ZNF398: variants seen among roughly 807,000 people sequenced by gnomAD.
ZNF398 encodes the protein zinc finger DNA binding protein ZER6.
Under a neutral mutation model 41.9 loss-of-function variants are expected in ZNF398, and 18 were observed. The ratio of observed to expected loss-of-function variants is 0.43; its 90% CI spans 0.30 to 0.64. The LOEUF (loss-of-function observed/expected upper bound fraction) is 0.64. ZNF398 is among the 30% of genes least tolerant of loss of function. The pLI is 0.14. For missense variants in ZNF398, 669 were observed against 822.8 expected, an observed-to-expected ratio of 0.81 and a Z score of 2.29; for synonymous variants, 260 against 308.8, an observed-to-expected ratio of 0.84 and a Z score of 1.66.
chr7:149,171,284 CACTT>C (rs1317223622), intron 4 of ZNF398, among the ~76,000 whole-genome samples: 2 of 151,898 alleles, frequency 1.3e-5, no homozygotes, highest in African/African-American at 2.4e-5. Flanking sequence ...TTTGTAATAA[CACTT>C]AGTGTAAAAC....
chr7:149,139,493 C>T (rs191328510), intron 2 of ZNF398, among the ~76,000 whole-genome samples: 123 of 143,028 alleles, frequency 8.6e-4, no homozygotes, highest in African/African-American at 2.7e-3. Context: ...GAGGCTGAGG[C>T]GGGCACATCA....
chr7:149,135,923 T>C (rs1371652646), intron 2 of ZNF398, among the ~76,000 whole-genome samples: 1 of 152,060 alleles, frequency 6.6e-6, no homozygotes, highest in Admixed American at 6.6e-5. Context: ...GCCATTGCAC[T>C]CCAGCCTGGG....
intron 1 of ZNF398, among the ~76,000 whole-genome samples, chr7:149,153,261 T>C (rs1794899509): frequency 6.6e-6 from 1 of 152,118 alleles, no homozygotes; most frequent in South Asian, 2.1e-4. Context: ...GAGGATTGCT[T>C]GAGTGAGCCA....
chr7:149,166,321 GCAGC>G, intron 3 of ZNF398, 37 bp downstream of exon 3: 1 of 1,557,820 alleles, frequency 6.4e-7, no homozygotes, highest in African/African-American at 1.4e-5. Context: ...TGAAGTGACA[GCAGC>G]TCCAAGAGGG....
At chr7:149,159,729 A>G (rs13246257) in intron 2 of ZNF398, among the ~76,000 whole-genome samples, 1 of 148,516 alleles carries the variant, frequency 6.7e-6, no homozygotes, top group Non-Finnish European at 1.5e-5. Flanking sequence ...AAAAAAAAAA[A>G]TTTTTTTTTT....
intron 4 of ZNF398, among the ~76,000 whole-genome samples, chr7:149,168,327 C>G (rs953714472): frequency 6.6e-6 from 1 of 152,082 alleles, no homozygotes; most frequent in African/African-American, 2.4e-5. Flanking sequence ...ATCTGCCTGC[C>G]TTGGCCTACC....
intron 2 of ZNF398, among the ~76,000 whole-genome samples, chr7:149,130,448 G>A (rs1050793779): frequency 2.6e-5 from 4 of 152,166 alleles, no homozygotes; most frequent in Non-Finnish European, 1.5e-5. Context: ...TTGCATACAG[G>A]TTTTTGTGTG....
chr7:149,175,861 T>C lies in ZNF398; in HGVS notation c.662-607T>C, dbSNP rs57092420. ...CACCACGCCTGACTAATTTTTTTTATTTTTAGTAGAGACAGGGTTTTGCCA... is the reference window on the plus strand; with the variant it reads ...CACCACGCCTGACTAATTTTTTTTACTTTTAGTAGAGACAGGGTTTTGCCA... On this transcript the variant is annotated intron_variant, in intron 4 of 5. Transcript: ENST00000475153. Among the ~76,000 whole-genome samples the C allele has an allele frequency of 8.0e-3, 1,217 of 152,178 alleles. 9 individuals are homozygous for C. The highest frequency in any genetic ancestry group is 0.013 in the African/African-American group (538 of 41,530).
intron 2 of ZNF398, among the ~76,000 whole-genome samples, chr7:149,132,860 G>A (rs1002105307): frequency 2.6e-5 from 4 of 152,122 alleles, no homozygotes; most frequent in Non-Finnish European, 4.4e-5. Flanking sequence ...GCATTCACCT[G>A]TGCAAGCTTC....
At chr7:149,148,863 C>CTT (rs59895177) in intron 1 of ZNF398, among the ~76,000 whole-genome samples, 3,135 of 63,242 alleles carry the variant, frequency 0.05, 829 homozygotes, top group South Asian at 0.073. Flanking sequence ...TTTTCTTTGT[C>CTT]TTTTTTTTTT....
At chr7:149,162,282 C>T (rs1252382703) in intron 2 of ZNF398, among the ~76,000 whole-genome samples, 4 of 152,128 alleles carry the variant, frequency 2.6e-5, no homozygotes, top group African/African-American at 9.6e-5. Flanking sequence ...CCTGGGTTCA[C>T]GCCATTCTCC....
Position 149,179,527 on chromosome 7 carries a change from A to C in ZNF398, c.1655A>C (p.His552Pro). Reference sequence around the variant, plus strand: ...TGTGGCAAGAGCTTCATCCGCAAGCACCACCTAATGAAACACCAGCGCATC... The same window carrying C: ...TGTGGCAAGAGCTTCATCCGCAAGCCCCACCTAATGAAACACCAGCGCATC... ...PHCGKSFIRK[H>P]HLMKHQRIHT... is the part of the protein sequence containing the mutation. Residue 552 changes from histidine (H) to proline (P), a missense_variant, in exon 6 of 6, where the codon CAC becomes CCC. Around this residue, in one of 3 missense-constraint regions of ZNF398, gnomAD observed 210 missense variants for 290.4 expected, o/e 0.72. Coordinates refer to ENST00000475153, the MANE Select transcript of ZNF398 (RefSeq NM_170686.3). This position sits in a 1 kb window ranked among gnomAD's most constrained non-coding sequence, Gnocchi z 6.1. 1 of 1,614,186 alleles carries C rather than the reference A, an allele frequency of 6.2e-7. No individual in the cohort carries two copies. The highest frequency in any genetic ancestry group is 8.5e-7 in the Non-Finnish European group (1 of 1,180,034).
chr7:149,170,646 A>G (rs2129521417), intron 4 of ZNF398, among the ~76,000 whole-genome samples: 1 of 152,060 alleles, frequency 6.6e-6, no homozygotes, highest in East Asian at 1.9e-4. Context: ...AAGGCAGGAG[A>G]ATTGCTTGAA....
At chr7:149,129,564 G>C (rs963207152) in intron 2 of ZNF398, among the ~76,000 whole-genome samples, 3 of 151,728 alleles carry the variant, frequency 2.0e-5, no homozygotes, top group African/African-American at 7.3e-5. Flanking sequence ...ATTTCTAGTA[G>C]ACACAGGGTT....
chr7:149,161,865 T>C (rs956657134), intron 2 of ZNF398, among the ~76,000 whole-genome samples: 3 of 150,202 alleles, frequency 2.0e-5, no homozygotes, highest in Non-Finnish European at 4.4e-5. Context: ...AATTAGAAAC[T>C]CCAGTGTTTT....
chr7:149,142,529 T>C (rs1178778353), upstream of ZNF398, among the ~76,000 whole-genome samples: 1 of 152,136 alleles, frequency 6.6e-6, no homozygotes, highest in Non-Finnish European at 1.5e-5. Context: ...TAGCCGGGCG[T>C]GGTGGCAGGC....
chr7:149,164,475 A>G (rs1375640772), intron 2 of ZNF398, among the ~76,000 whole-genome samples: 1 of 152,212 alleles, frequency 6.6e-6, no homozygotes, highest in Non-Finnish European at 1.5e-5. Flanking sequence ...TCAAAGAACG[A>G]AACTTTCAAG....
At chr7:149,159,242 A>G (rs1795048402) in intron 2 of ZNF398, among the ~76,000 whole-genome samples, 2 of 151,818 alleles carry the variant, frequency 1.3e-5, no homozygotes, top group Admixed American at 6.6e-5. Context: ...GCGCCTGGCC[A>G]TCTCTTAAAT....
intron 4 of ZNF398, among the ~76,000 whole-genome samples, chr7:149,173,376 G>C (rs1048269232): frequency 5.9e-5 from 9 of 151,896 alleles, no homozygotes; most frequent in Non-Finnish European, 1.2e-4. Context: ...CAAAGTTCTG[G>C]GATTACAAGC....
Sources: allele counts gnomAD v4.1 joint callset (sites outside exome capture counted in the v4.1 genomes callset), GRCh38; gene constraint gnomAD v4.1.1; regional missense constraint gnomAD v4.1.1; non-coding constraint Gnocchi (gnomAD v3.1); transcripts MANE v1.5; gene names NCBI Gene and HGNC (gene_info 2026-07-23, HGNC 2026-07-21).